Variants in DAB1 observed in about 807,000 individuals in gnomAD.
DAB1 encodes the protein DAB adaptor protein 1, also known as disabled homolog 1.
DAB1 carries 15 observed loss-of-function variants against 64.6 expected under a neutral mutation model. That is an observed-to-expected ratio of 0.23 (90% CI 0.16 to 0.36). DAB1 has a LOEUF of 0.36. Among genes scored for constraint, DAB1 ranks in the 10% least tolerant of loss-of-function variants. The pLI, the probability that DAB1 is intolerant of heterozygous loss-of-function variation, is 1.00. For synonymous variants in DAB1, 235 were observed against 251.9 expected, an observed-to-expected ratio of 0.93 and a Z score of 0.64; for missense variants, 596 against 706.7, an observed-to-expected ratio of 0.84 and a Z score of 1.78.
chr1:57,766,480 A>G (rs1237499320), intron 6 of DAB1, among the ~76,000 whole-genome samples: 1 of 152,000 alleles, frequency 6.6e-6, no homozygotes, highest in Non-Finnish European at 1.5e-5. Flanking sequence ...TCCCTCAAAC[A>G]TGCCAGGCAC....
chr1:57,951,959 A>T (rs894327060), intron 5 of DAB1, among the ~76,000 whole-genome samples: 1 of 152,192 alleles, frequency 6.6e-6, no homozygotes, highest in Non-Finnish European at 1.5e-5. Flanking sequence ...TTGGTTTCAG[A>T]GGGCAAAAGG....
At chr1:58,369,032 A>G (rs1456312199) in intron 3 of DAB1, among the ~76,000 whole-genome samples, 2 of 152,216 alleles carry the variant, frequency 1.3e-5, no homozygotes, top group Non-Finnish European at 2.9e-5. Context: ...GTAGCCTTCA[A>G]CCAAGTACTA....
intron 7 of DAB1, among the ~76,000 whole-genome samples, chr1:57,553,600 G>A (rs1161915930): frequency 6.6e-6 from 1 of 151,690 alleles, no homozygotes; most frequent in African/African-American, 2.4e-5. Flanking sequence ...GAGCCCAGAA[G>A]ACCTAAACTG....
chr1:57,092,474 G>A (rs1172801128), intron 4 of DAB1, among the ~76,000 whole-genome samples: 2 of 151,956 alleles, frequency 1.3e-5, no homozygotes, highest in Non-Finnish European at 2.9e-5. Context: ...TTTATAAACG[G>A]CAGTTTACCC....
At chr1:57,548,613 T>C (rs1309057007) in intron 7 of DAB1, among the ~76,000 whole-genome samples, 1 of 152,204 alleles carries the variant, frequency 6.6e-6, no homozygotes, top group Non-Finnish European at 1.5e-5. Flanking sequence ...GATGAGGACT[T>C]AACAGTATTT....
At chr1:57,347,197 G>A (rs563833830) in intron 1 of DAB1, among the ~76,000 whole-genome samples, 43 of 152,274 alleles carry the variant, frequency 2.8e-4, no homozygotes, top group African/African-American at 4.1e-4. Flanking sequence ...GGGTCAGCAG[G>A]GCAGTGGCAA....
chr1:57,342,062 T>C (rs766968773), intron 1 of DAB1, among the ~76,000 whole-genome samples: 24 of 152,222 alleles, frequency 1.6e-4, no homozygotes, highest in Non-Finnish European at 3.1e-4. Flanking sequence ...ATGGAGGAAA[T>C]TGAGACAGGG....
chr1:58,112,886 C>T (rs1211022450), intron 5 of DAB1, among the ~76,000 whole-genome samples: 4 of 152,152 alleles, frequency 2.6e-5, no homozygotes, highest in South Asian at 2.1e-4. Context: ...GCTGTGGGGA[C>T]ACTCTTCCCT....
At chr1:57,062,016 T>C (rs1261704213) in intron 9 of DAB1, among the ~76,000 whole-genome samples, 2 of 152,218 alleles carry the variant, frequency 1.3e-5, no homozygotes, top group African/African-American at 2.4e-5. Flanking sequence ...TGCCCCCTGC[T>C]CAAGAGCCTT....
chr1:57,086,774 C>G (rs1653132307), intron 4 of DAB1, among the ~76,000 whole-genome samples: 1 of 152,038 alleles, frequency 6.6e-6, no homozygotes, highest in Non-Finnish European at 1.5e-5. Context: ...ATTAGCTGCA[C>G]TGGCAGTTTT....
Position 57,184,904 on chromosome 1 carries a change from G to A in DAB1, c.68-39475C>T, listed in dbSNP as rs74502517. Among the ~76,000 whole-genome samples the A allele has an allele frequency of 4.9e-3, 746 of 152,184 alleles. 3 individuals are homozygous for A. Among genetic ancestry groups the A allele is most frequent in the African/African-American group, 8.6e-3 (358 of 41,538 alleles). ...ACCCACTGAACTCCAGGAGTGTAGC[G>A]ATCCAACAAATATAACTGAGCACAT... is the stretch of plus-strand genomic sequence containing the variant. On this transcript the variant is annotated intron_variant, in intron 2 of 14. Coordinates refer to ENST00000371236, the MANE Select transcript of DAB1 (RefSeq NM_001365792.1).
intron 3 of DAB1, among the ~76,000 whole-genome samples, chr1:58,443,017 C>T (rs1315127319): frequency 6.6e-6 from 1 of 152,174 alleles, no homozygotes; most frequent in African/African-American, 2.4e-5. Context: ...TTTCTAAGAA[C>T]CTCAGAAGCC....
chr1:58,411,367 A>C (rs1240411501), intron 3 of DAB1, among the ~76,000 whole-genome samples: 2 of 152,192 alleles, frequency 1.3e-5, no homozygotes, highest in Non-Finnish European at 2.9e-5. Flanking sequence ...CCTCATATGG[A>C]AAATAGAACT....
At chr1:57,426,874 A>AT (rs34515405), upstream of DAB1, among the ~76,000 whole-genome samples, 4,523 of 149,264 alleles carry the variant, frequency 0.03, 122 homozygotes, top group South Asian at 0.057. Context: ...ATATATATAT[A>AT]TTTTTTTGAG....
intron 6 of DAB1, among the ~76,000 whole-genome samples, chr1:57,669,618 G>A (rs757056397): frequency 4.6e-5 from 7 of 152,088 alleles, no homozygotes; most frequent in Non-Finnish European, 7.4e-5. Flanking sequence ...GCTGTCTGAC[G>A]CAATAAACCA....
chr1:57,789,292 C>A (rs945605188), intron 6 of DAB1, among the ~76,000 whole-genome samples: 2 of 152,072 alleles, frequency 1.3e-5, no homozygotes, highest in African/African-American at 2.4e-5. Flanking sequence ...CTTGGGCCCA[C>A]GCGAGAAGAG....
At chr1:58,082,810 G>A (rs78703007) in intron 5 of DAB1, among the ~76,000 whole-genome samples, 1 of 152,134 alleles carries the variant, frequency 6.6e-6, no homozygotes, top group Non-Finnish European at 1.5e-5. Flanking sequence ...AGACAGGTGG[G>A]GGGGAGGGGT....
At chr1:57,739,473 TCCC>T (rs1557453168) in intron 6 of DAB1, among the ~76,000 whole-genome samples, 22 of 36,754 alleles carry the variant, frequency 6.0e-4, no homozygotes, top group African/African-American at 2.3e-3. Context: ...TCCCCTCCCC[TCCC>T]CTCCCCTCGC....
At chr1:58,377,403 TG>T (rs1176418545) in intron 3 of DAB1, among the ~76,000 whole-genome samples, 1 of 141,896 alleles carries the variant, frequency 7.0e-6, no homozygotes, top group African/African-American at 2.7e-5. Context: ...AGCATTTGCT[TG>T]TCTGTAAAGT....
Sources: allele counts gnomAD v4.1 joint callset (sites outside exome capture counted in the v4.1 genomes callset), GRCh38; gene constraint gnomAD v4.1.1; transcripts MANE v1.5; gene names NCBI Gene and HGNC (gene_info 2026-07-23, HGNC 2026-07-21).